The following ZBTB44 variants were observed in gnomAD, a reference collection of about 807,000 sequenced individuals.
ZBTB44 encodes zinc finger and BTB domain-containing protein 44.
A neutral mutation model predicts 54.0 loss-of-function variants in ZBTB44; 15 were observed. The ratio of observed to expected loss-of-function variants is 0.28; its 90% CI spans 0.19 to 0.43. The LOEUF is 0.43. Ranked by LOEUF, ZBTB44 falls within the 20% of genes least tolerant of loss-of-function variation. The pLI, the probability that ZBTB44 is intolerant of heterozygous loss-of-function variation, is 1.00. For missense variants in ZBTB44, 487 were observed against 707.1 expected, an observed-to-expected ratio of 0.69 and a Z score of 3.53; for synonymous variants, 230 against 250.1, an observed-to-expected ratio of 0.92 and a Z score of 0.76.
intron 1 of ZBTB44, among the ~76,000 whole-genome samples, chr11:130,282,236 T>C (rs897417160): frequency 5.9e-5 from 9 of 152,232 alleles, no homozygotes; most frequent in African/African-American, 2.2e-4. Context: ...CATCCATCAC[T>C]ATCCGTCTCT....
intron 1 of ZBTB44, among the ~76,000 whole-genome samples, chr11:130,298,236 G>A (rs189664216): frequency 8.0e-4 from 121 of 151,924 alleles, no homozygotes; most frequent in Non-Finnish European, 1.1e-3. Flanking sequence ...TGGACCTCCC[G>A]AACTCAAGCA....
intron 2 of ZBTB44, among the ~76,000 whole-genome samples, chr11:130,244,925 T>A (rs906075890): frequency 1.3e-5 from 2 of 152,182 alleles, no homozygotes; most frequent in Admixed American, 6.5e-5. Context: ...CAAACTTTAT[T>A]TAATCACTTG....
At chr11:130,310,055 T>C (rs1304702584) in intron 1 of ZBTB44, 2 of 152,164 alleles carry the variant, frequency 1.3e-5, no homozygotes, top group East Asian at 1.9e-4. Context: ...CAGGCTTACA[T>C]GTGTAATCTT....
intron 1 of ZBTB44, among the ~76,000 whole-genome samples, chr11:130,283,531 T>A (rs1940694102): frequency 6.6e-6 from 1 of 152,216 alleles, no homozygotes; most frequent in African/African-American, 2.4e-5. Context: ...CAAAATAATC[T>A]TATGTAAGAA....
Position 130,228,660 on chromosome 11 carries a change from G to A in ZBTB44, c.*3104C>T, listed in dbSNP as rs1259488448. 1 of 152,170 alleles carries A rather than the reference G, an allele frequency of 6.6e-6. No individual in the cohort carries two copies. Among genetic ancestry groups the A allele is most frequent in the Non-Finnish European group, 1.5e-5 (1 of 68,030 alleles). 9.4% of individuals were successfully genotyped at this position (152,170 alleles called of 1,614,324 possible). On this transcript the variant is annotated 3_prime_UTR_variant, in exon 8 of 8. Coordinates refer to ENST00000357899, the MANE Select transcript of ZBTB44 (RefSeq NM_001301098.2). ...GAAGATTTATCCTTCCTCAGCAGGT[G>A]ATGTACTTTGGTAACCTCAACATTC...
chr11:130,253,316 AC>A (rs1342915754), intron 2 of ZBTB44, among the ~76,000 whole-genome samples: 9 of 152,174 alleles, frequency 5.9e-5, no homozygotes, highest in African/African-American at 2.2e-4. Context: ...CATTTAGAAA[AC>A]CCCATCGTCT....
intron 1 of ZBTB44, among the ~76,000 whole-genome samples, chr11:130,265,481 T>G (rs1565662844): frequency 6.6e-6 from 1 of 152,196 alleles, no homozygotes; most frequent in Non-Finnish European, 1.5e-5. Context: ...CGCCTCATGT[T>G]TTTCACTTTA....
chr11:130,253,513 G>T (rs1397841756), intron 2 of ZBTB44, among the ~76,000 whole-genome samples: 2 of 152,034 alleles, frequency 1.3e-5, no homozygotes, highest in African/African-American at 4.8e-5. Flanking sequence ...AACTTACAAG[G>T]GACATGAAGG....
chr11:130,274,829 C>T (rs961951516), intron 1 of ZBTB44, among the ~76,000 whole-genome samples: 2 of 152,158 alleles, frequency 1.3e-5, no homozygotes, highest in East Asian at 1.9e-4. Context: ...TTTCTTGTGA[C>T]GTCTTTGTCT....
At position 130,261,663 on chromosome 11, in the gene ZBTB44, C is replaced by G; in HGVS notation, c.211G>C (p.Val71Leu). Reference protein sequence around the residue: ...VGQAEDENKNVLDLHHVTVTG... With the variant: ...VGQAEDENKNLLDLHHVTVTG... Reference sequence around the variant, plus strand: ...ACTGTAACATGATGCAGATCCAACACATTCTTGTTCTCATCCTCGGCTTGG... The same window carrying G: ...ACTGTAACATGATGCAGATCCAACAGATTCTTGTTCTCATCCTCGGCTTGG... Residue 71 changes from valine (V) to leucine (L), a missense_variant, in exon 2 of 8, where the codon GTG becomes CTG. This residue lies in a region of ZBTB44 where 90 missense variants were observed against 160.3 expected (regional missense o/e 0.56). Transcript: ENST00000357899. The surrounding 1 kb of genome is among the most constrained non-coding windows in gnomAD (Gnocchi z 4.8). 1.2e-6 allele frequency: 2 copies of G among 1,614,054 alleles called. No individual in the cohort carries two copies. Among genetic ancestry groups the G allele is most frequent in the South Asian group, 2.2e-5 (2 of 91,086 alleles).
intron 1 of ZBTB44, among the ~76,000 whole-genome samples, chr11:130,271,244 A>G (rs932117121): frequency 7.9e-5 from 12 of 152,212 alleles, no homozygotes; most frequent in Non-Finnish European, 1.6e-4. Flanking sequence ...TTTCACATTA[A>G]AAGCATCAGT....
Position 130,248,961 on chromosome 11 carries a change from G to A in ZBTB44, c.1019-9065C>T, listed in dbSNP as rs182214627. ...TCTACTAAAAATACAAATATTAGCT[G>A]GGTGTGGTGGTGTGTGCCTGCAGTC... On this transcript the variant is annotated intron_variant, in intron 2 of 7. Coordinates refer to ENST00000357899, the MANE Select transcript of ZBTB44 (RefSeq NM_001301098.2). 2.0e-4 allele frequency among the ~76,000 whole-genome samples: 31 copies of A among 151,476 alleles called. No homozygotes were observed. In the South Asian group the frequency reaches 3.1e-3, roughly 15 times the overall value.
chr11:130,314,057 G>GT (rs1260246615), intron 1 of ZBTB44, among the ~76,000 whole-genome samples: 1 of 131,126 alleles, frequency 7.6e-6, no homozygotes, highest in Non-Finnish European at 1.6e-5. Flanking sequence ...AGCCTCCCGG[G>GT]TTCGACCAGG....
At chr11:130,242,574 T>G (rs2136305399) in intron 2 of ZBTB44, among the ~76,000 whole-genome samples, 1 of 152,284 alleles carries the variant, frequency 6.6e-6, no homozygotes, top group South Asian at 2.1e-4. Context: ...CATTTATATA[T>G]TTTTCAAATA....
chr11:130,280,691 GA>G (rs1940437337), intron 1 of ZBTB44, among the ~76,000 whole-genome samples: 1 of 152,182 alleles, frequency 6.6e-6, no homozygotes, highest in Non-Finnish European at 1.5e-5. Flanking sequence ...ATTGGTAACA[GA>G]AAGGTAATTA....
chr11:130,309,391 T>C (rs143652887), intron 1 of ZBTB44, among the ~76,000 whole-genome samples: 3,078 of 152,316 alleles, frequency 0.02, 55 homozygotes, highest in Non-Finnish European at 0.029. Flanking sequence ...GACAGGAGGC[T>C]GATAAACTGC....
chr11:130,264,790 G>T (rs1335666685), intron 1 of ZBTB44, among the ~76,000 whole-genome samples: 4 of 152,120 alleles, frequency 2.6e-5, no homozygotes, highest in Non-Finnish European at 5.9e-5. Context: ...TCATCTTCTT[G>T]CACTTTGCTT....
chr11:130,258,175 T>A (rs1467531654), intron 2 of ZBTB44, among the ~76,000 whole-genome samples: 5 of 152,180 alleles, frequency 3.3e-5, no homozygotes, highest in Admixed American at 3.3e-4. Flanking sequence ...GTAAGACATA[T>A]CTGGATTCAG....
chr11:130,313,336 T>C (rs1198407993), intron 1 of ZBTB44, among the ~76,000 whole-genome samples: 4 of 152,310 alleles, frequency 2.6e-5, no homozygotes, highest in Admixed American at 1.3e-4. Context: ...CTGCACAAAA[T>C]GAATAATCTG....
Sources: gnomAD v4.1 joint callset for allele counts (sites outside exome capture counted in the v4.1 genomes callset) on GRCh38, gnomAD v4.1.1 for gene constraint, gnomAD v4.1.1 regional missense constraint, Gnocchi (gnomAD v3.1) non-coding constraint, MANE v1.5 for transcripts, NCBI Gene and HGNC (gene_info 2026-07-23, HGNC 2026-07-21) for gene names.